The following RCAN2 variants were observed in gnomAD, a reference collection of about 807,000 sequenced individuals.
RCAN2 encodes regulator of calcineurin 2.
A neutral mutation model predicts 23.6 loss-of-function variants in RCAN2; 9 were observed. That is an observed-to-expected ratio of 0.38 (90% CI 0.23 to 0.67). RCAN2 has a LOEUF of 0.67. Ranked by LOEUF, RCAN2 falls within the 30% of genes least tolerant of loss-of-function variation. RCAN2 has a pLI of 0.51. For synonymous variants in RCAN2, 109 were observed against 115.7 expected (o/e 0.94, Z 0.37); for missense variants, 273 against 302.3 (o/e 0.90, Z 0.72).
intron 2 of RCAN2, among the ~76,000 whole-genome samples, chr6:46,446,311 G>A (rs1009838598): frequency 6.9e-6 from 1 of 144,264 alleles, no homozygotes; most frequent in Non-Finnish European, 1.5e-5. Flanking sequence ...TGTGGGTGGG[G>A]GTGCTGGGGG....
intron 2 of RCAN2, among the ~76,000 whole-genome samples, chr6:46,373,224 T>C (rs1765368105): frequency 6.6e-6 from 1 of 152,214 alleles, no homozygotes; most frequent in Non-Finnish European, 1.5e-5. Flanking sequence ...GAAACATAAA[T>C]GTGAGAATCT....
chr6:46,269,439 G>A (rs922179433), intron 2 of RCAN2, among the ~76,000 whole-genome samples: 5 of 152,124 alleles, frequency 3.3e-5, no homozygotes, highest in South Asian at 2.1e-4. Flanking sequence ...ATCTTTCTGC[G>A]AATATTAAAT....
At chr6:46,408,943 G>A (rs1289658919) in intron 2 of RCAN2, among the ~76,000 whole-genome samples, 1 of 151,998 alleles carries the variant, frequency 6.6e-6, no homozygotes, top group Non-Finnish European at 1.5e-5. Flanking sequence ...ATAAAATGCT[G>A]GGTCTTGGGA....
chr6:46,256,647 T>G (rs2150323297), intron 2 of RCAN2, among the ~76,000 whole-genome samples: 1 of 152,356 alleles, frequency 6.6e-6, no homozygotes, highest in East Asian at 1.9e-4. Flanking sequence ...ACTGTGGTTT[T>G]CCTTAAATCT....
chr6:46,381,825 A>T (rs578198990), intron 2 of RCAN2, among the ~76,000 whole-genome samples: 13 of 152,128 alleles, frequency 8.5e-5, no homozygotes, highest in African/African-American at 1.2e-4. Context: ...AAAAAATCTT[A>T]TCTGGTAAAG....
Position 46,490,227 on chromosome 6 carries a change from A to T in RCAN2, c.-3+946T>A, listed in dbSNP as rs9463206. Among the ~76,000 whole-genome samples the T allele has an allele frequency of 1.3e-3, 197 of 152,276 alleles. 1 individual carries two copies. Among genetic ancestry groups the T allele is most frequent in the African/African-American group, 4.3e-3 (180 of 41,572 alleles). On this transcript the variant is annotated intron_variant, in intron 1 of 4. Transcript: ENST00000371374. ...AAGGGAGAGAGAAGTGTGAGCTGGA[A>T]TGCTGTGACATCCCTTCATCTCCAA...
At chr6:46,226,270 C>G (rs761203644) in intron 4 of RCAN2, among the ~76,000 whole-genome samples, 4 of 152,172 alleles carry the variant, frequency 2.6e-5, no homozygotes, top group Non-Finnish European at 5.9e-5. Context: ...GCAATGTGAG[C>G]TCTTTTTTCG....
intron 2 of RCAN2, among the ~76,000 whole-genome samples, chr6:46,386,807 CA>C (rs1465808607): frequency 6.6e-6 from 1 of 151,984 alleles, no homozygotes; most frequent in African/African-American, 2.4e-5. Context: ...AATCCTAAGC[CA>C]AAAGAACAAA....
At chr6:46,287,520 A>G (rs1383937875) in intron 2 of RCAN2, among the ~76,000 whole-genome samples, 2 of 152,196 alleles carry the variant, frequency 1.3e-5, no homozygotes, top group Non-Finnish European at 2.9e-5. Context: ...TGTACATTTC[A>G]CTAAACGAAT....
At chr6:46,253,709 A>G (rs1766809478) in intron 2 of RCAN2, among the ~76,000 whole-genome samples, 1 of 152,170 alleles carries the variant, frequency 6.6e-6, no homozygotes, top group African/African-American at 2.4e-5. Context: ...TGATGAATAG[A>G]AATACAGTCA....
chr6:46,237,698 G>C lies in RCAN2; in HGVS notation c.571+9050C>G, dbSNP rs191968142. Among the ~76,000 whole-genome samples the C allele has an allele frequency of 5.1e-4, 78 of 152,262 alleles. 1 individual carries two copies. The highest frequency in any genetic ancestry group is 9.6e-4 in the Non-Finnish European group (65 of 68,016). On this transcript the variant is annotated intron_variant, in intron 4 of 4. Coordinates refer to ENST00000371374, the MANE Select transcript of RCAN2 (RefSeq NM_001251974.2). ...TCTGGCCCCAAGCATTTTGGATAAG[G>C]GATCCTCAACCTATGTGGTGGAAGT...
intron 2 of RCAN2, among the ~76,000 whole-genome samples, chr6:46,453,715 AG>A (rs1378471830): frequency 6.6e-6 from 1 of 152,254 alleles, no homozygotes; most frequent in African/African-American, 2.4e-5. Flanking sequence ...AATAGAGAAG[AG>A]AATGCTGCAA....
chr6:46,405,587 T>C (rs1388201921), intron 2 of RCAN2, among the ~76,000 whole-genome samples: 2 of 152,210 alleles, frequency 1.3e-5, no homozygotes, highest in African/African-American at 2.4e-5. Flanking sequence ...GAGTGTCGAT[T>C]GGTGCACTCA....
chr6:46,224,865 T>A (rs1765598674), intron 4 of RCAN2, among the ~76,000 whole-genome samples: 1 of 152,148 alleles, frequency 6.6e-6, no homozygotes, highest in Non-Finnish European at 1.5e-5. Flanking sequence ...TGTATACATG[T>A]GCCATGTTGG....
At chr6:46,313,167 T>C (rs1157300466) in intron 2 of RCAN2, among the ~76,000 whole-genome samples, 2 of 152,232 alleles carry the variant, frequency 1.3e-5, no homozygotes, top group Non-Finnish European at 2.9e-5. Flanking sequence ...CTGTAACTCA[T>C]GGGTTACCTC....
Position 46,466,303 on chromosome 6 carries a change from G to C in RCAN2, c.-2-9325C>G, listed in dbSNP as rs148257670. Among the ~76,000 whole-genome samples, 79 of 152,328 alleles carry C rather than the reference G, an allele frequency of 5.2e-4. 2 individuals carry two copies. The highest frequency in any genetic ancestry group is 1.7e-3 in the African/African-American group (70 of 41,570). On this transcript the variant is annotated intron_variant, in intron 1 of 4. Transcript: ENST00000371374. ...TTTTCAGATGGGGCATGGAGTGCTG[G>C]AGAGAAACAGAGTGAAAAGGAAAGA... is the stretch of plus-strand genomic sequence containing the variant.
intron 2 of RCAN2, among the ~76,000 whole-genome samples, chr6:46,251,178 C>T (rs572405290): frequency 6.6e-6 from 1 of 152,296 alleles, no homozygotes; most frequent in Non-Finnish European, 1.5e-5. Context: ...GGCTTTTTGT[C>T]TCCCTTCATC....
At chr6:46,339,600 C>A (rs6910610) in intron 2 of RCAN2, among the ~76,000 whole-genome samples, 63,771 of 151,518 alleles carry the variant, frequency 0.42, 14,805 homozygotes, top group East Asian at 0.6. Flanking sequence ...CAGCTTTGTG[C>A]GTTATGGGTA....
At chr6:46,477,766 G>A (rs1479060236) in intron 1 of RCAN2, among the ~76,000 whole-genome samples, 4 of 152,156 alleles carry the variant, frequency 2.6e-5, no homozygotes, top group Non-Finnish European at 5.9e-5. Flanking sequence ...CGGCAAGGAT[G>A]TAAGACACAT....
Sources: gnomAD v4.1 joint callset for allele counts (sites outside exome capture counted in the v4.1 genomes callset) on GRCh38, gnomAD v4.1.1 for gene constraint, MANE v1.5 for transcripts, NCBI Gene and HGNC (gene_info 2026-07-23, HGNC 2026-07-21) for gene names.